Variants in SPAG6 observed in about 807,000 individuals in gnomAD.
SPAG6 encodes the protein sperm-associated antigen 6.
Under a neutral mutation model 58.5 loss-of-function variants are expected in SPAG6, and 49 were observed. That is an observed-to-expected ratio of 0.84 (90% confidence interval 0.67 to 1.06). SPAG6 has a LOEUF of 1.06. Among genes scored for constraint, SPAG6 ranks in the 50% least tolerant of loss-of-function variants. SPAG6 has a pLI of 0.00. For synonymous variants in SPAG6, 233 were observed against 225.6 expected (o/e 1.03, Z -0.29); for missense variants, 560 against 611.3 (o/e 0.92, Z 0.89).
At chr10:22,384,836 T>C (rs1834031958) in intron 4 of SPAG6, among the ~76,000 whole-genome samples, 1 of 152,218 alleles carries the variant, frequency 6.6e-6, no homozygotes, top group African/African-American at 2.4e-5. Flanking sequence ...AGAAGGACAT[T>C]GCACTCAAGA....
At chr10:22,346,431 T>TTCTTCCTCC (rs1554776440) in intron 2 of SPAG6, among the ~76,000 whole-genome samples, 2 of 13,898 alleles carry the variant, frequency 1.4e-4, no homozygotes, top group Non-Finnish European at 3.1e-4. Flanking sequence ...GAGAAAATGG[T>TTCTTCCTCC]TCTTCTTCTT....
chr10:22,354,185 G>A (rs758757983), intron 2 of SPAG6, among the ~76,000 whole-genome samples: 12 of 152,186 alleles, frequency 7.9e-5, no homozygotes, highest in Non-Finnish European at 1.8e-4. Flanking sequence ...GATAAGAGGG[G>A]ATTAAATCAG....
intron 4 of SPAG6, among the ~76,000 whole-genome samples, chr10:22,380,681 G>A (rs2132072408): frequency 6.6e-6 from 1 of 151,896 alleles, no homozygotes; most frequent in South Asian, 2.1e-4. Context: ...ATATTTTTAT[G>A]GCAAAAACCA....
In SPAG6 at chr10:22,404,810, C is replaced by A. The variant is rs1353978002; in HGVS notation, c.1314+3533C>A. ...ATTTGTTTGTATCCTCTTTTATTTC[C>A]TTGAGCAGTGGTTTGTAGTTCTCCT... On this transcript the variant is annotated intron_variant, in intron 9 of 10. Transcript: ENST00000376624. Among the ~76,000 whole-genome samples, 11 of 151,762 alleles carry A rather than the reference C, an allele frequency of 7.2e-5. No homozygotes were observed. In the South Asian group the frequency reaches 1.5e-3, roughly 20 times the overall value.
At chr10:22,390,651 A>G (rs1392172185) in intron 7 of SPAG6, among the ~76,000 whole-genome samples, 3 of 152,224 alleles carry the variant, frequency 2.0e-5, no homozygotes, top group Non-Finnish European at 4.4e-5. Flanking sequence ...GGGATGGAGT[A>G]GAGGCACTGT....
chr10:22,352,133 C>T (rs1282100567), intron 2 of SPAG6, among the ~76,000 whole-genome samples: 1 of 151,870 alleles, frequency 6.6e-6, no homozygotes, highest in Non-Finnish European at 1.5e-5. Context: ...TGTGCTCCAG[C>T]CTGGGCGACA....
chr10:22,376,737 C>T (rs1420012631), intron 4 of SPAG6, among the ~76,000 whole-genome samples: 1 of 151,956 alleles, frequency 6.6e-6, no homozygotes, highest in African/African-American at 2.4e-5. Flanking sequence ...TATACCAGGG[C>T]TGGTCTGTGT....
At chr10:22,401,331 A>AT (rs934245572) in intron 9 of SPAG6, 54 bp downstream of exon 9, 11,910 of 816,462 alleles carry the variant, frequency 0.015, no homozygotes, top group East Asian at 0.017. Context: ...ATTTGTTGTT[A>AT]TTTTTTTTTT....
rs951239550 is a variant in SPAG6 at position 22,364,996 on chromosome 10, G to C, written c.265G>C (p.Val89Leu). ...VVKCDILPQL[V>L]YSLAEQNRFY... ...GAAGTGCGACATTCTTCCACAGCTTGTTTATTCATTGGCAGAACAGAATGT... is the reference window on the plus strand; with the variant it reads ...GAAGTGCGACATTCTTCCACAGCTTCTTTATTCATTGGCAGAACAGAATGT... The change falls in exon 3 of 11, where the codon GTT becomes CTT. Residue 89 changes from valine to leucine, a missense_variant. Val to Leu is a conservative substitution (Grantham distance 32, BLOSUM62 1). Transcript: ENST00000376624. 1 of 1,606,172 alleles carries C rather than the reference G, an allele frequency of 6.2e-7. No individual in the cohort carries two copies. Among genetic ancestry groups the C allele is most frequent in the African/African-American group, 1.3e-5 (1 of 74,524 alleles).
chr10:22,412,433 AT>A, intron 10 of SPAG6: 2 of 1,484,058 alleles, frequency 1.3e-6, no homozygotes, highest in Admixed American at 2.0e-5. Flanking sequence ...CTATCCACAT[AT>A]TTTTACCCAG....
intron 9 of SPAG6, among the ~76,000 whole-genome samples, chr10:22,403,579 G>A (rs377011713): frequency 0.15 from 22,037 of 147,582 alleles, 5,166 homozygotes; most frequent in African/African-American, 0.52. Context: ...ATTGTGAATA[G>A]TGCCACAATA....
intron 5 of SPAG6, 117 bp downstream of exon 5, chr10:22,387,076 G>A (rs746945078): frequency 5.5e-4 from 401 of 731,004 alleles, no homozygotes; most frequent in Middle Eastern, 1.5e-3. Flanking sequence ...ATTGAAAACA[G>A]ATATGAATAT....
At position 22,387,860 on chromosome 10, in the gene SPAG6, A is replaced by G. The variant is rs1186740002; in HGVS notation, c.716A>G (p.His239Arg). 5.0e-6 allele frequency: 8 copies of G among 1,613,248 alleles called. No homozygotes were observed. The highest frequency in any genetic ancestry group is 6.8e-6 in the Non-Finnish European group (8 of 1,179,670). ...TCAGCTCTCAGTCAGGTTTCAAAAC[A>G]TTCCGTGGATCTGGCAGAAATGGTT... Reference protein sequence around the residue: ...ILSALSQVSKHSVDLAEMVVE... With the variant: ...ILSALSQVSKRSVDLAEMVVE... Residue 239 changes from histidine to arginine, a missense_variant, in exon 6 of 11, where the codon CAT becomes CGT. Physicochemically the swap from His to Arg is conservative, Grantham distance 29. Coordinates refer to ENST00000376624, the MANE Select transcript of SPAG6 (RefSeq NM_012443.4).
At chr10:22,405,144 A>G (rs1457250506) in intron 9 of SPAG6, among the ~76,000 whole-genome samples, 2 of 152,096 alleles carry the variant, frequency 1.3e-5, no homozygotes, top group African/African-American at 2.4e-5. Context: ...CTCCTGCCTA[A>G]TTGCCCTGGC....
rs769174224 is a variant in SPAG6 at position 22,389,291 on chromosome 10, A to G, written c.984A>G (p.Ala328=). 1.9e-6 allele frequency: 3 copies of G among 1,612,186 alleles called. No homozygotes were observed. Among genetic ancestry groups the G allele is most frequent in the Non-Finnish European group, 2.5e-6 (3 of 1,179,594 alleles). The change falls in exon 7 of 11, where the codon GCA becomes GCG. Residue 328 remains alanine, a synonymous_variant. Transcript: ENST00000376624. ...TAGCAGCTCATTCTGAGAACCTAGC[A>G]ATGGCAGTCATCATTTCTAAGGTTT... ...GYVAAHSENL[A]MAVIISKGVP...
At chr10:22,371,466 C>T (rs560813347) in intron 4 of SPAG6, among the ~76,000 whole-genome samples, 29 of 152,236 alleles carry the variant, frequency 1.9e-4, no homozygotes, top group Admixed American at 1.0e-3. Flanking sequence ...GTTGGTCAGG[C>T]TGGTCTCGAA....
In SPAG6 at chr10:22,345,629, G is replaced by A. The variant is rs1036592317; in HGVS notation, c.18G>A (p.Val6=). Reference sequence around the variant, plus strand: ...GGGGCGCCATGAGTCAGAGGCAGGTGCTGCAAGGTAGGGCCGAGGCGGGCA... The same window carrying A: ...GGGGCGCCATGAGTCAGAGGCAGGTACTGCAAGGTAGGGCCGAGGCGGGCA... MSQRQ[V]LQVFEQYQKA... is the part of the protein sequence containing the mutation. The change falls in exon 1 of 11, where the codon GTG becomes GTA. Residue 6 remains valine, a synonymous_variant. Transcript: ENST00000376624. This position sits in a 1 kb window ranked among gnomAD's most constrained non-coding sequence, Gnocchi z 6.3. The A allele has an allele frequency of 6.5e-7, 1 of 1,539,906 alleles. No individual in the cohort carries two copies. The highest frequency in any genetic ancestry group is 1.4e-5 in the African/African-American group (1 of 72,198).
intron 9 of SPAG6, among the ~76,000 whole-genome samples, chr10:22,403,124 C>T (rs1834454561): frequency 6.7e-6 from 1 of 149,156 alleles, no homozygotes; most frequent in African/African-American, 2.5e-5. Context: ...GGAATATTTT[C>T]TTTTTTTTTT....
chr10:22,378,836 T>C (rs550237543), intron 4 of SPAG6, among the ~76,000 whole-genome samples: 44 of 152,202 alleles, frequency 2.9e-4, no homozygotes, highest in Non-Finnish European at 5.1e-4. Flanking sequence ...TTTACTTGAG[T>C]CCTGTGAGAG....
Sources: allele counts gnomAD v4.1 joint callset (sites outside exome capture counted in the v4.1 genomes callset), GRCh38; gene constraint gnomAD v4.1.1; non-coding constraint Gnocchi (gnomAD v3.1); transcripts MANE v1.5; gene names NCBI Gene and HGNC (gene_info 2026-07-23, HGNC 2026-07-21).